MARK3: variants seen among roughly 807,000 people sequenced by gnomAD.
MARK3 encodes MAP/microtubule affinity-regulating kinase 3.
A neutral mutation model predicts 90.1 loss-of-function variants in MARK3; 46 were observed. The ratio of observed to expected loss-of-function variants is 0.51; its 90% CI spans 0.40 to 0.65. MARK3 has a LOEUF of 0.65. Among genes scored for constraint, MARK3 ranks in the 30% least tolerant of loss-of-function variants. MARK3 has a pLI of 0.00. For missense variants in MARK3, 818 were observed against 947.2 expected (o/e 0.86, Z 1.79); for synonymous variants, 321 against 332.6 (o/e 0.97, Z 0.38).
intron 3 of MARK3, among the ~76,000 whole-genome samples, chr14:103,433,555 G>A (rs1033120371): frequency 3.9e-5 from 6 of 151,996 alleles, no homozygotes; most frequent in Admixed American, 2.0e-4. Context: ...TTAGTTGGGC[G>A]TGGTGACATA....
At chr14:103,441,361 T>G (rs2092850262) in intron 3 of MARK3, 1 of 152,230 alleles carries the variant, frequency 6.6e-6, no homozygotes, top group Admixed American at 6.5e-5. Context: ...CTCGGCTCAC[T>G]GCAAGCTTCG....
At chr14:103,409,299 G>A (rs569972311) in intron 2 of MARK3, among the ~76,000 whole-genome samples, 4 of 152,088 alleles carry the variant, frequency 2.6e-5, no homozygotes, top group South Asian at 2.1e-4. Flanking sequence ...GCCTGTCGGG[G>A]TGAGGGGCAA....
intron 1 of MARK3, among the ~76,000 whole-genome samples, chr14:103,391,483 G>A (rs1427314594): frequency 6.6e-6 from 1 of 150,658 alleles, no homozygotes; most frequent in Non-Finnish European, 1.5e-5. Context: ...TTTTTAAACT[G>A]TTCAAATTAG....
intron 2 of MARK3, among the ~76,000 whole-genome samples, chr14:103,422,309 A>G (rs529421635): frequency 1.1e-4 from 17 of 152,326 alleles, no homozygotes; most frequent in African/African-American, 4.1e-4. Flanking sequence ...TACAAAAATT[A>G]GCTGGGCATG....
At position 103,475,080 on chromosome 14, in the gene MARK3, C is replaced by T. The variant is rs1378018680; in HGVS notation, c.1352C>T (p.Ser451Phe). The T allele has an allele frequency of 1.2e-6, 2 of 1,614,090 alleles. No individual in the cohort carries two copies. The highest frequency in any genetic ancestry group is 1.7e-6 in the Non-Finnish European group (2 of 1,180,034). Residue 451 changes from serine (S) to phenylalanine (F), a missense_variant, in exon 13 of 18, where the codon TCC becomes TTC. By Grantham distance (155) the Ser-to-Phe change is radical. Transcript: ENST00000429436. ...ADSDLKEDGISSRKSSGSAVG... is the reference protein window; with the variant it reads ...ADSDLKEDGIFSRKSSGSAVG... ...AGTGACCTCAAAGAAGATGGAATTT[C>T]CTCCCGGAAATCAAGTGGCAGTGCT...
rs570091961 is a variant in MARK3 at position 103,394,162 on chromosome 14, T to G, written c.51+8082T>G. Among the ~76,000 whole-genome samples the G allele has an allele frequency of 2.0e-5, 3 of 152,004 alleles. No homozygotes were observed. In the East Asian group the frequency reaches 5.8e-4, roughly 29 times the overall value. ...GCTTTGGTTAAAAAAGAAAAAGGAGTCAGGGAATGCAGTACCCTCTGATCA... is the reference window on the plus strand; with the variant it reads ...GCTTTGGTTAAAAAAGAAAAAGGAGGCAGGGAATGCAGTACCCTCTGATCA... On this transcript the variant is annotated intron_variant, in intron 1 of 17. Transcript: ENST00000429436.
intron 12 of MARK3, among the ~76,000 whole-genome samples, chr14:103,468,985 C>T (rs371759313): frequency 3.0e-4 from 46 of 151,766 alleles, no homozygotes; most frequent in African/African-American, 1.0e-3. Context: ...GTTCTATTCA[C>T]TCTCTTCACC....
rs10525116 is a variant in MARK3, at chr14:103,467,674, CAAAA to C, written c.1111-339_1111-336del. 8.8e-3 allele frequency: 396 copies of C among 44,924 alleles called. 10 individuals carry two copies. Among genetic ancestry groups the C allele is most frequent in the Middle Eastern group, 0.018 (1 of 56 alleles). The allele number at this position is 44,924 out of a possible 1,614,324, so 2.8% of individuals were successfully genotyped here. On this transcript the variant is annotated intron_variant, in intron 11 of 17. Coordinates refer to ENST00000429436, the MANE Select transcript of MARK3 (RefSeq NM_001128918.3). ...TGGGTGACAGAGCGAGACTCTGTCT[CAAAA>C]AAAAAAAAAAAAAAAAAAAGATGGA...
chr14:103,421,301 C>A (rs2092211198), intron 2 of MARK3, among the ~76,000 whole-genome samples: 1 of 152,180 alleles, frequency 6.6e-6, no homozygotes, highest in Non-Finnish European at 1.5e-5. Context: ...AGAAACCTAA[C>A]CCCCAGAAGC....
chr14:103,402,090 G>C (rs1396411388), intron 1 of MARK3, among the ~76,000 whole-genome samples: 1 of 152,190 alleles, frequency 6.6e-6, no homozygotes, highest in African/African-American at 2.4e-5. Flanking sequence ...TGTCTACCAT[G>C]TGTTAGGCAC....
chr14:103,472,328 C>T (rs560185317), intron 12 of MARK3, among the ~76,000 whole-genome samples: 2 of 151,960 alleles, frequency 1.3e-5, no homozygotes, highest in East Asian at 3.9e-4. Context: ...ACACCAAACC[C>T]ATGAAATAAA....
intron 14 of MARK3, among the ~76,000 whole-genome samples, chr14:103,482,428 G>A (rs1440999832): frequency 2.6e-5 from 4 of 152,034 alleles, no homozygotes; most frequent in Non-Finnish European, 5.9e-5. Flanking sequence ...GACTGAGGCA[G>A]GAGAATTACT....
intron 6 of MARK3, among the ~76,000 whole-genome samples, chr14:103,462,071 G>A (rs887129546): frequency 2.7e-5 from 4 of 150,800 alleles, no homozygotes; most frequent in Admixed American, 1.3e-4. Context: ...CAGAGCCATC[G>A]GAGCCTAGGG....
At chr14:103,442,629 A>G (rs1349308642) in intron 3 of MARK3, among the ~76,000 whole-genome samples, 2 of 152,232 alleles carry the variant, frequency 1.3e-5, no homozygotes, top group African/African-American at 4.8e-5. Flanking sequence ...TGTGGAACCT[A>G]AAACACACAG....
intron 3 of MARK3, among the ~76,000 whole-genome samples, chr14:103,433,419 C>T (rs1277632541): frequency 1.3e-5 from 2 of 151,960 alleles, no homozygotes; most frequent in African/African-American, 4.8e-5. Context: ...AGGGGCTGGA[C>T]GCAGTGGCAC....
chr14:103,469,968 G>A (rs927739986), intron 12 of MARK3, among the ~76,000 whole-genome samples: 1 of 151,664 alleles, frequency 6.6e-6, no homozygotes, highest in African/African-American at 2.4e-5. Context: ...GGCTGAGGTA[G>A]GAGAATCGCT....
At chr14:103,466,579 A>G (rs1309157706) in intron 10 of MARK3, 137 bp downstream of exon 10, 2 of 579,984 alleles carry the variant, frequency 3.4e-6, no homozygotes, top group South Asian at 2.9e-5. Context: ...GTTCTGTCAT[A>G]TTTAGGAACG....
chr14:103,475,517 G>C (rs949827552), intron 13 of MARK3, among the ~76,000 whole-genome samples: 2 of 152,194 alleles, frequency 1.3e-5, no homozygotes, highest in Non-Finnish European at 1.5e-5. Flanking sequence ...AACAAGTTCC[G>C]TGTCTGGCAA....
chr14:103,395,515 T>C (rs10151646), intron 1 of MARK3, among the ~76,000 whole-genome samples: 64 of 152,300 alleles, frequency 4.2e-4, no homozygotes, highest in African/African-American at 1.4e-3. Flanking sequence ...TTCTGCTGCA[T>C]AGTTGTCATC....
Sources: allele counts gnomAD v4.1 joint callset (sites outside exome capture counted in the v4.1 genomes callset), GRCh38; gene constraint gnomAD v4.1.1; transcripts MANE v1.5; gene names NCBI Gene and HGNC (gene_info 2026-07-23, HGNC 2026-07-21).